Variants in PRKCI observed in about 807,000 individuals in gnomAD.
PRKCI encodes the protein protein kinase C iota, also known as protein kinase C iota type.
In PRKCI, 43 loss-of-function variants were observed where a neutral mutation model predicts 84.0. That is an observed-to-expected ratio of 0.51 (90% CI 0.40 to 0.66). PRKCI has a LOEUF of 0.66. PRKCI is among the 30% of genes least tolerant of loss of function. PRKCI has a pLI of 0.00. For missense variants in PRKCI, 459 were observed against 745.6 expected (o/e 0.62, Z 4.48); for synonymous variants, 216 against 234.4 (o/e 0.92, Z 0.72).
chr3:170,281,593 CGA>C, intron 10 of PRKCI: 1 of 411,896 alleles, frequency 2.4e-6, no homozygotes, highest in Non-Finnish European at 4.2e-6. Flanking sequence ...CCTTGACAGT[CGA>C]AAATGACTTA....
intron 1 of PRKCI, among the ~76,000 whole-genome samples, chr3:170,227,031 A>G (rs562823310): frequency 1.3e-5 from 2 of 152,340 alleles, no homozygotes; most frequent in Admixed American, 1.3e-4. Flanking sequence ...AGAACTGACA[A>G]TGTGCAAATG....
intron 14 of PRKCI, among the ~76,000 whole-genome samples, chr3:170,294,387 A>T (rs1220712218): frequency 1.3e-5 from 2 of 152,268 alleles, no homozygotes; most frequent in Non-Finnish European, 2.9e-5. Flanking sequence ...ATAAATAGGC[A>T]TTTCATGCCC....
At chr3:170,281,671 A>G (rs1044564970) in intron 10 of PRKCI, 1 of 527,572 alleles carries the variant, frequency 1.9e-6, no homozygotes, top group Admixed American at 3.9e-5. Flanking sequence ...CTACTTTAGA[A>G]CAGAAGTAGT....
At chr3:170,256,274 T>C (rs1733581568) in intron 2 of PRKCI, among the ~76,000 whole-genome samples, 2 of 152,148 alleles carry the variant, frequency 1.3e-5, no homozygotes, top group African/African-American at 4.8e-5. Context: ...AGTTTTTCTT[T>C]AAATGGCACT....
intron 2 of PRKCI, among the ~76,000 whole-genome samples, chr3:170,254,649 T>C (rs534027487): frequency 6.6e-6 from 1 of 152,294 alleles, no homozygotes; most frequent in South Asian, 2.1e-4. Flanking sequence ...TATGGATTTA[T>C]TTCTGGGTTC....
At chr3:170,275,164 G>A (rs1380636970) in intron 7 of PRKCI, 65 bp from the exon 8 acceptor site, 15 of 1,418,694 alleles carry the variant, frequency 1.1e-5, no homozygotes, top group Non-Finnish European at 1.4e-5. Flanking sequence ...CTCATTAATG[G>A]TTGCTGTTTT....
intron 2 of PRKCI, among the ~76,000 whole-genome samples, chr3:170,250,122 A>C (rs1458029282): frequency 6.6e-6 from 1 of 151,726 alleles, no homozygotes; most frequent in Admixed American, 6.6e-5. Context: ...AAAACAAAAA[A>C]ATTAGCTGGA....
At chr3:170,250,439 C>G (rs930480860) in intron 2 of PRKCI, among the ~76,000 whole-genome samples, 5 of 104,128 alleles carry the variant, frequency 4.8e-5, no homozygotes, top group Middle Eastern at 4.5e-3. Flanking sequence ...CCAACCCCCC[C>G]CCCCCAAAAA....
At chr3:170,235,172 AT>A in intron 1 of PRKCI, 57 bp from the exon 2 acceptor site, 3 of 1,542,730 alleles carry the variant, frequency 1.9e-6, no homozygotes, top group Non-Finnish European at 2.7e-6. Context: ...ATTCAGTAAT[AT>A]ATACAGCATT....
intron 2 of PRKCI, among the ~76,000 whole-genome samples, chr3:170,256,401 G>C (rs1733583854): frequency 6.6e-6 from 1 of 152,116 alleles, no homozygotes; most frequent in Non-Finnish European, 1.5e-5. Context: ...AATCTTGGTA[G>C]GTTGTATGTG....
At chr3:170,269,350 C>T (rs1577360556) in intron 5 of PRKCI, among the ~76,000 whole-genome samples, 1 of 152,192 alleles carries the variant, frequency 6.6e-6, no homozygotes, top group African/African-American at 2.4e-5. Flanking sequence ...CTCTTACTTC[C>T]AGTAGCACTG....
intron 17 of PRKCI, among the ~76,000 whole-genome samples, chr3:170,302,447 T>C (rs1412176057): frequency 1.3e-5 from 2 of 152,214 alleles, no homozygotes; most frequent in African/African-American, 4.8e-5. Flanking sequence ...TCTGTAACTT[T>C]GTGCTTCTTA....
At chr3:170,251,168 G>A (rs1280992665) in intron 2 of PRKCI, among the ~76,000 whole-genome samples, 4 of 152,082 alleles carry the variant, frequency 2.6e-5, no homozygotes, top group African/African-American at 7.2e-5. Flanking sequence ...GTCATAAAAC[G>A]AAACTTGAAT....
rs1359005184 is a variant in PRKCI, at chr3:170,234,315, G to A, written c.102-915G>A. On this transcript the variant is annotated intron_variant, in intron 1 of 17. Coordinates refer to ENST00000295797, the MANE Select transcript of PRKCI (RefSeq NM_002740.6). The stretch of plus-strand genomic sequence containing the variant: ...CAAAGTGCTGGGGTTACAGGTGTGA[G>A]CCACCACGCCCAGCCTTATACTTAT... 3.3e-5 allele frequency among the ~76,000 whole-genome samples: 5 copies of A among 152,282 alleles called. No individual in the cohort carries two copies. In the East Asian group the frequency reaches 9.6e-4, roughly 29 times the overall value.
intron 2 of PRKCI, among the ~76,000 whole-genome samples, chr3:170,239,739 GTGT>G (rs1412665497): frequency 3.3e-5 from 5 of 149,282 alleles, no homozygotes; most frequent in African/African-American, 1.2e-4. Context: ...GTATGGTAGA[GTGT>G]TTTTTTTTTT....
chr3:170,230,950 A>AT lies in PRKCI; in HGVS notation c.102-4268dup, dbSNP rs748473877. On this transcript the variant is annotated intron_variant, in intron 1 of 17. Coordinates refer to ENST00000295797, the MANE Select transcript of PRKCI (RefSeq NM_002740.6). ...ATGGAATGGCTTGATTCATTATTTA[A>AT]TTTTTTTTTTTTGTTTTTTTTTTTT... 3.7e-3 allele frequency among the ~76,000 whole-genome samples: 507 copies of AT among 137,774 alleles called. 4 individuals carry two copies. The highest frequency in any genetic ancestry group is 9.1e-3 in the African/African-American group (337 of 37,222). 90.4% of individuals were successfully genotyped at this position (137,774 alleles called of 152,430 possible). A position where few individuals can be genotyped will look rare whatever the true frequency, so the allele number is the denominator to read the frequency against.
chr3:170,267,793 G>A, intron 4 of PRKCI, 122 bp from the exon 5 acceptor site: 1 of 612,394 alleles, frequency 1.6e-6, no homozygotes, highest in Non-Finnish European at 2.7e-6. Context: ...TGACGTTCAG[G>A]TTTTTATCAG....
At chr3:170,274,613 ATCT>A (rs1734072551) in intron 7 of PRKCI, among the ~76,000 whole-genome samples, 1 of 152,242 alleles carries the variant, frequency 6.6e-6, no homozygotes, top group Admixed American at 6.5e-5. Context: ...GAACAGCATG[ATCT>A]TCTCTGGACT....
rs143395024 is a variant in PRKCI at position 170,303,858 on chromosome 3, A to C, written c.*731A>C. On this transcript the variant is annotated 3_prime_UTR_variant, in exon 18 of 18. Transcript: ENST00000295797. ...CTAAAAATACAAAAATTAGCTGGGC[A>C]TGGTGGCACATACCTGTAATCCCAG... 5.7e-6 allele frequency: 1 copy of C among 174,404 alleles called. No homozygotes were observed. Among genetic ancestry groups the C allele is most frequent in the Non-Finnish European group, 1.2e-5 (1 of 80,896 alleles). The allele number at this position is 174,404 out of a possible 1,614,324, so 10.8% of individuals were successfully genotyped here.
Sources: gnomAD v4.1 joint callset for allele counts (sites outside exome capture counted in the v4.1 genomes callset) on GRCh38, gnomAD v4.1.1 for gene constraint, MANE v1.5 for transcripts, NCBI Gene and HGNC (gene_info 2026-07-23, HGNC 2026-07-21) for gene names.